Variants in SH3PXD2A observed in about 807,000 individuals in gnomAD.
The protein encoded by SH3PXD2A is SH3 and PX domain-containing protein 2A.
In SH3PXD2A, 32 loss-of-function variants were observed where a neutral mutation model predicts 115.2. The ratio of observed to expected loss-of-function variants is 0.28; its 90% CI spans 0.21 to 0.37. SH3PXD2A has a LOEUF of 0.37. SH3PXD2A is among the 10% of genes least tolerant of loss of function. The probability of loss-of-function intolerance (pLI) is 1.00; values close to 1 mark genes in which losing one functional copy is unlikely to be tolerated. For missense variants in SH3PXD2A, 1,328 were observed against 1,498.7 expected, an observed-to-expected ratio of 0.89 and a Z score of 1.88; for synonymous variants, 610 against 629.1, an observed-to-expected ratio of 0.97 and a Z score of 0.45.
chr10:103,734,652 G>A (rs943408291), intron 4 of SH3PXD2A, among the ~76,000 whole-genome samples: 1 of 152,164 alleles, frequency 6.6e-6, no homozygotes, highest in Admixed American at 6.5e-5. Context: ...GGAAGGCTGA[G>A]GCATGAGAAT....
At chr10:103,658,488 G>C (rs2037243800) in intron 8 of SH3PXD2A, among the ~76,000 whole-genome samples, 1 of 152,164 alleles carries the variant, frequency 6.6e-6, no homozygotes, top group Non-Finnish European at 1.5e-5. Context: ...CCACCGTCAG[G>C]CCTCCAGCTT....
chr10:103,795,706 C>G (rs1042433565), intron 2 of SH3PXD2A, among the ~76,000 whole-genome samples: 3 of 152,136 alleles, frequency 2.0e-5, no homozygotes, highest in Non-Finnish European at 4.4e-5. Flanking sequence ...TATTGTTTGT[C>G]TTTGTTTTTT....
At chr10:103,719,721 CTT>C (rs11438501) in intron 5 of SH3PXD2A, among the ~76,000 whole-genome samples, 7 of 114,692 alleles carry the variant, frequency 6.1e-5, no homozygotes, top group South Asian at 2.7e-4. Flanking sequence ...TTTTTTCTTT[CTT>C]TTTTTTTTTT....
chr10:103,808,156 A>C (rs1031464202), intron 1 of SH3PXD2A, among the ~76,000 whole-genome samples: 2 of 152,116 alleles, frequency 1.3e-5, no homozygotes, highest in Admixed American at 1.3e-4. Context: ...GAGTGCCTAC[A>C]TCAAACGCCG....
At chr10:103,644,274 G>A (rs1457319857) in intron 8 of SH3PXD2A, among the ~76,000 whole-genome samples, 1 of 151,176 alleles carries the variant, frequency 6.6e-6, no homozygotes, top group Non-Finnish European at 1.5e-5. Flanking sequence ...GATAATAGAT[G>A]AGAAAAATGC....
chr10:103,652,643 T>G (rs2037145304), intron 8 of SH3PXD2A, among the ~76,000 whole-genome samples: 2 of 152,240 alleles, frequency 1.3e-5, no homozygotes, highest in African/African-American at 4.8e-5. Context: ...GCTTTACACT[T>G]TGCTGAAATC....
At chr10:103,775,728 C>T (rs943411901) in intron 2 of SH3PXD2A, among the ~76,000 whole-genome samples, 1 of 152,170 alleles carries the variant, frequency 6.6e-6, no homozygotes, top group Admixed American at 6.5e-5. Flanking sequence ...TTGAGGATGA[C>T]CACACAGCTG....
At chr10:103,761,761 G>T (rs1374756115) in intron 3 of SH3PXD2A, among the ~76,000 whole-genome samples, 1 of 152,190 alleles carries the variant, frequency 6.6e-6, no homozygotes, top group Non-Finnish European at 1.5e-5. Flanking sequence ...TAACCTGGGA[G>T]GTGTGCAGGC....
chr10:103,603,806 G>T lies in SH3PXD2A; in HGVS notation c.1429-17C>A, dbSNP rs759271455. ...ATCAATGACCTGGGGTACGAGTGCA[G>T]ACAAGCCAGTGAGTTGGGAGGATCT... On this transcript the variant is annotated splice_polypyrimidine_tract_variant and intron_variant, in intron 14 of 14. Transcript: ENST00000369774. 2 of 1,543,578 alleles carry T rather than the reference G, an allele frequency of 1.3e-6. No individual in the cohort carries two copies. The highest frequency in any genetic ancestry group is 1.2e-5 in the South Asian group (1 of 81,058).
chr10:103,676,564 C>T (rs2037536491), intron 6 of SH3PXD2A, among the ~76,000 whole-genome samples: 1 of 152,184 alleles, frequency 6.6e-6, no homozygotes, highest in African/African-American at 2.4e-5. Flanking sequence ...GCAGGTAGTT[C>T]TGTCACCTCC....
At chr10:103,750,790 TG>T (rs1356418539) in intron 3 of SH3PXD2A, among the ~76,000 whole-genome samples, 3 of 152,092 alleles carry the variant, frequency 2.0e-5, no homozygotes, top group African/African-American at 4.8e-5. Flanking sequence ...GGGCTTTTTT[TG>T]TTTCTTTTAT....
intron 8 of SH3PXD2A, among the ~76,000 whole-genome samples, chr10:103,657,510 T>C (rs1433338279): frequency 1.3e-5 from 2 of 152,260 alleles, no homozygotes; most frequent in Non-Finnish European, 2.9e-5. Context: ...TGCCCTGGTA[T>C]GGCTTGCTGG....
chr10:103,607,417 C>T (rs1448603824), intron 13 of SH3PXD2A, among the ~76,000 whole-genome samples: 7 of 150,584 alleles, frequency 4.6e-5, no homozygotes, highest in Admixed American at 6.6e-5. Flanking sequence ...GGTCAGCCCC[C>T]GCCAGGCCAG....
At chr10:103,732,230 A>G (rs1029400833) in intron 4 of SH3PXD2A, among the ~76,000 whole-genome samples, 4 of 152,218 alleles carry the variant, frequency 2.6e-5, no homozygotes, top group African/African-American at 9.6e-5. Context: ...GAACGGGGTA[A>G]ATAGAGTCAC....
At chr10:103,643,898 TC>T (rs1428390063) in intron 8 of SH3PXD2A, among the ~76,000 whole-genome samples, 1 of 149,424 alleles carries the variant, frequency 6.7e-6, no homozygotes. Context: ...GATCACGAGG[TC>T]AGGAGATCGA....
chr10:103,602,071 C>A lies in SH3PXD2A; in HGVS notation c.3147G>T (p.Gln1049His). The stretch of plus-strand genomic sequence containing the variant: ...CAGGGGACACGGGTATGCTGTTGCG[C>A]TGGGCGGGCAGTAGGGGTGAGTCTG... Reference protein sequence around the residue: ...QGSDSPLLPAQRNSIPVSPVR... With the variant: ...QGSDSPLLPAHRNSIPVSPVR... Residue 1049 changes from glutamine to histidine, a missense_variant, in exon 15 of 15, where the codon CAG becomes CAT. Gln to His is a conservative substitution (Grantham distance 24). Around this residue, in one of 5 missense-constraint regions of SH3PXD2A, gnomAD observed 574 missense variants for 565.7 expected, o/e 1.01. Coordinates refer to ENST00000369774, the MANE Select transcript of SH3PXD2A (RefSeq NM_001394015.1). The A allele has an allele frequency of 6.2e-7, 1 of 1,602,740 alleles. No individual in the cohort carries two copies.
rs2036105982 is a variant in SH3PXD2A at position 103,594,401 on chromosome 10, A to T, written c.*7415T>A. ...TTTCTCTGCTGAGGAGGAAAGAAGG[A>T]AAACCTGGAGGAAGGGCTCCTCCTG... On this transcript the variant is annotated 3_prime_UTR_variant, in exon 15 of 15. Transcript: ENST00000369774. The T allele has an allele frequency of 6.6e-6, 1 of 152,600 alleles. No homozygotes were observed. Among genetic ancestry groups the T allele is most frequent in the Non-Finnish European group, 1.5e-5 (1 of 68,040 alleles). 9.5% of individuals were successfully genotyped at this position (152,600 alleles called of 1,614,324 possible). A position where few individuals can be genotyped will look rare whatever the true frequency, so the allele number is the denominator to read the frequency against.
chr10:103,633,555 G>A (rs1433138843), intron 8 of SH3PXD2A, among the ~76,000 whole-genome samples: 1 of 150,182 alleles, frequency 6.7e-6, no homozygotes, highest in East Asian at 2.0e-4. Flanking sequence ...GTAAAACTGT[G>A]TCTCTACTAA....
In SH3PXD2A at chr10:103,620,915, C is replaced by T. The variant is rs950334935; in HGVS notation, c.802+1555G>A. Among the ~76,000 whole-genome samples the T allele has an allele frequency of 1.3e-5, 2 of 151,836 alleles. No individual in the cohort carries two copies. The highest frequency in any genetic ancestry group is 2.9e-5 in the Non-Finnish European group (2 of 67,974). Reference sequence around the variant, plus strand: ...AGTGTTGCTGTGGAGGAATGGGTGGCGTATGTGTGTATGTTGCGTATATGT... The same window carrying T: ...AGTGTTGCTGTGGAGGAATGGGTGGTGTATGTGTGTATGTTGCGTATATGT... On this transcript the variant is annotated intron_variant, in intron 10 of 14. Coordinates refer to ENST00000369774, the MANE Select transcript of SH3PXD2A (RefSeq NM_001394015.1). This position sits in a 1 kb window ranked among gnomAD's most constrained non-coding sequence, Gnocchi z 5.3.
Sources: gnomAD v4.1 joint callset for allele counts (sites outside exome capture counted in the v4.1 genomes callset) on GRCh38, gnomAD v4.1.1 for gene constraint, gnomAD v4.1.1 regional missense constraint, Gnocchi (gnomAD v3.1) non-coding constraint, MANE v1.5 for transcripts, NCBI Gene and HGNC (gene_info 2026-07-23, HGNC 2026-07-21) for gene names.